SNCAIP: variants seen among roughly 807,000 people sequenced by gnomAD.
SNCAIP encodes the protein synphilin-1.
SNCAIP carries 43 observed loss-of-function variants against 86.7 expected under a neutral mutation model. The ratio of observed to expected loss-of-function variants is 0.50; its 90% CI spans 0.39 to 0.64. SNCAIP has a LOEUF of 0.64. SNCAIP is among the 30% of genes least tolerant of loss of function. The pLI, the probability that SNCAIP is intolerant of heterozygous loss-of-function variation, is 0.00. For synonymous variants in SNCAIP, 417 were observed against 427.2 expected (o/e 0.98, Z 0.29); for missense variants, 981 against 1,103.1 (o/e 0.89, Z 1.57).
chr5:122,361,511 CAA>C (rs1212909876), intron 1 of SNCAIP, among the ~76,000 whole-genome samples: 1 of 152,114 alleles, frequency 6.6e-6, no homozygotes, highest in Admixed American at 6.5e-5. Context: ...TTAATGAATA[CAA>C]AGAGATGATA....
At chr5:122,379,964 G>A (rs1766317786) in intron 1 of SNCAIP, among the ~76,000 whole-genome samples, 1 of 152,014 alleles carries the variant, frequency 6.6e-6, no homozygotes, top group East Asian at 1.9e-4. Flanking sequence ...GAGGATTTTT[G>A]CATCAATGTT....
intron 8 of SNCAIP, among the ~76,000 whole-genome samples, chr5:122,449,216 C>G (rs565498192): frequency 6.6e-6 from 1 of 152,126 alleles, no homozygotes; most frequent in Non-Finnish European, 1.5e-5. Context: ...TCATCTAACA[C>G]AAATTGTACT....
chr5:122,403,249 C>G (rs1702731086), intron 2 of SNCAIP, among the ~76,000 whole-genome samples: 2 of 152,134 alleles, frequency 1.3e-5, no homozygotes, highest in South Asian at 4.2e-4. Flanking sequence ...TGACATTACC[C>G]TGGTATTTCC....
Position 122,423,381 on chromosome 5 carries a change from G to A in SNCAIP, c.644G>A (p.Ser215Asn). The change falls in exon 4 of 11, where the codon AGC (serine) becomes AAC (asparagine). Residue 215 changes from serine (S) to asparagine (N), a missense_variant. By Grantham distance (46) the Ser-to-Asn change is conservative. Transcript: ENST00000261368. ...APFCVLSPVK[S>N]PHLRKASAVI... ...TTTTGTGTTCTTTCTCCCGTGAAAAGCCCTCACTTGAGAAAAGCATCAGCT... is the reference window on the plus strand; with the variant it reads ...TTTTGTGTTCTTTCTCCCGTGAAAAACCCTCACTTGAGAAAAGCATCAGCT... 6.2e-7 allele frequency: 1 copy of A among 1,613,550 alleles called. No homozygotes were observed. The highest frequency in any genetic ancestry group is 8.5e-7 in the Non-Finnish European group (1 of 1,179,646).
intron 5 of SNCAIP, among the ~76,000 whole-genome samples, 190 bp downstream of exon 5, chr5:122,425,721 T>C (rs1777237321): frequency 6.6e-6 from 1 of 152,222 alleles, no homozygotes; most frequent in Non-Finnish European, 1.5e-5. Flanking sequence ...TAATTCCCAG[T>C]TTTTGTCAAT....
At chr5:122,376,794 T>G (rs571658015) in intron 1 of SNCAIP, among the ~76,000 whole-genome samples, 2 of 152,140 alleles carry the variant, frequency 1.3e-5, no homozygotes, top group Non-Finnish European at 2.9e-5. Flanking sequence ...ACAGAGATGG[T>G]CATGGCAGCA....
intron 1 of SNCAIP, chr5:122,321,881 A>T (rs2152672042): frequency 6.6e-6 from 1 of 152,072 alleles, no homozygotes; most frequent in South Asian, 2.1e-4. Context: ...TTTTTGTTTC[A>T]CCTCTTTTAA....
chr5:122,392,785 GA>G (rs1238641311), intron 2 of SNCAIP, among the ~76,000 whole-genome samples: 3 of 152,250 alleles, frequency 2.0e-5, no homozygotes, highest in Admixed American at 2.0e-4. Flanking sequence ...TAATATATGT[GA>G]AACACTTAGC....
In SNCAIP at chr5:122,423,625, G is replaced by A; in HGVS notation, c.888G>A (p.Glu296=). The A allele has an allele frequency of 6.2e-7, 1 of 1,613,724 alleles. No individual in the cohort carries two copies. The highest frequency in any genetic ancestry group is 8.5e-7 in the Non-Finnish European group (1 of 1,180,016). Residue 296 remains glutamate, a synonymous_variant, in exon 4 of 11, where the codon GAG becomes GAA. Coordinates refer to ENST00000261368, the MANE Select transcript of SNCAIP (RefSeq NM_005460.4). ...CAGCAGCAGAATCCAAACCAGAAGA[G>A]CAGGTCAGTGGCCTAAACCGGACCA... is the stretch of plus-strand genomic sequence containing the variant. ...QSSAAESKPE[E]QVSGLNRTSS... is the part of the protein sequence containing the mutation.
chr5:122,382,574 C>A (rs1178779205), intron 1 of SNCAIP, among the ~76,000 whole-genome samples: 1 of 151,944 alleles, frequency 6.6e-6, no homozygotes, highest in Non-Finnish European at 1.5e-5. Flanking sequence ...AGCTTTGTTC[C>A]GTTGCTGGTG....
intron 2 of SNCAIP, among the ~76,000 whole-genome samples, chr5:122,391,687 C>T (rs961648101): frequency 5.7e-4 from 87 of 152,294 alleles, no homozygotes; most frequent in African/African-American, 2.1e-3. Flanking sequence ...AAGGAAAATT[C>T]GTGCAGTGAT....
At chr5:122,416,834 G>A (rs1775408097) in intron 3 of SNCAIP, among the ~76,000 whole-genome samples, 2 of 152,274 alleles carry the variant, frequency 1.3e-5, no homozygotes, top group South Asian at 4.1e-4. Flanking sequence ...GAAAGAAATG[G>A]AATGTTGGAG....
At chr5:122,397,006 A>G (rs942507081) in intron 2 of SNCAIP, among the ~76,000 whole-genome samples, 1 of 152,146 alleles carries the variant, frequency 6.6e-6, no homozygotes, top group Non-Finnish European at 1.5e-5. Context: ...CATTTATTGA[A>G]CACTTAACTG....
intron 10 of SNCAIP, among the ~76,000 whole-genome samples, chr5:122,457,694 G>A (rs567365175): frequency 2.6e-5 from 4 of 152,040 alleles, no homozygotes; most frequent in Non-Finnish European, 4.4e-5. Flanking sequence ...CCTCAGCCTC[G>A]CCTGTAGTTT....
chr5:122,384,305 C>A (rs1333478394), intron 1 of SNCAIP, among the ~76,000 whole-genome samples: 1 of 152,062 alleles, frequency 6.6e-6, no homozygotes, highest in South Asian at 2.1e-4. Context: ...GATATGATTG[C>A]AAATTACAAA....
intron 8 of SNCAIP, among the ~76,000 whole-genome samples, chr5:122,448,908 C>T (rs942912066): frequency 6.7e-6 from 1 of 149,280 alleles, no homozygotes; most frequent in Non-Finnish European, 1.5e-5. Context: ...CCCAGTTACT[C>T]GGGAGGCTGA....
intron 10 of SNCAIP, among the ~76,000 whole-genome samples, chr5:122,458,594 T>C (rs147710835): frequency 6.6e-6 from 1 of 152,324 alleles, no homozygotes; most frequent in East Asian, 1.9e-4. Context: ...AGTGCCTTCA[T>C]CAAGTATCCT....
intron 7 of SNCAIP, among the ~76,000 whole-genome samples, chr5:122,441,868 A>G (rs1006005966): frequency 1.3e-5 from 2 of 152,184 alleles, no homozygotes; most frequent in Non-Finnish European, 2.9e-5. Flanking sequence ...CTAGAATTTT[A>G]TTTACAGACA....
intron 5 of SNCAIP, among the ~76,000 whole-genome samples, chr5:122,429,657 C>A (rs986508823): frequency 2.6e-5 from 4 of 151,976 alleles, no homozygotes; most frequent in Non-Finnish European, 4.4e-5. Flanking sequence ...CGTTTTTAAT[C>A]CTGGTAGGAA....
Sources: gnomAD v4.1 joint callset for allele counts (sites outside exome capture counted in the v4.1 genomes callset) on GRCh38, gnomAD v4.1.1 for gene constraint, MANE v1.5 for transcripts, NCBI Gene and HGNC (gene_info 2026-07-23, HGNC 2026-07-21) for gene names.